The following SLC12A6 variants were observed in gnomAD, a reference collection of about 807,000 sequenced individuals.
SLC12A6 encodes the protein K-Cl cotransporter 3.
Under a neutral mutation model 135.3 loss-of-function variants are expected in SLC12A6, and 66 were observed. That is an observed-to-expected ratio of 0.49 (90% CI 0.40 to 0.60). The LOEUF (loss-of-function observed/expected upper bound fraction) is 0.60. SLC12A6 is among the 20% of genes least tolerant of loss of function. SLC12A6 has a pLI of 0.00. For synonymous variants in SLC12A6, 513 were observed against 508.8 expected, an observed-to-expected ratio of 1.01 and a Z score of -0.11; for missense variants, 1,058 against 1,452.3, an observed-to-expected ratio of 0.73 and a Z score of 4.41.
intron 2 of SLC12A6, among the ~76,000 whole-genome samples, chr15:34,334,724 A>G (rs975310191): frequency 2.0e-5 from 3 of 152,234 alleles, no homozygotes; most frequent in African/African-American, 2.4e-5. Context: ...ATAGAGAACC[A>G]AGCTTTTAAC....
At chr15:34,246,128 T>C (rs1276342308) in intron 13 of SLC12A6, among the ~76,000 whole-genome samples, 1 of 152,152 alleles carries the variant, frequency 6.6e-6, no homozygotes, top group Non-Finnish European at 1.5e-5. Flanking sequence ...AGATGGGGTT[T>C]CACCATGTTG....
intron 2 of SLC12A6, among the ~76,000 whole-genome samples, chr15:34,290,870 T>C (rs917794148): frequency 2.0e-5 from 3 of 152,220 alleles, no homozygotes; most frequent in African/African-American, 4.8e-5. Flanking sequence ...TGAGCCTATG[T>C]GTGTCTTTGC....
chr15:34,327,896 T>C (rs929861518), intron 2 of SLC12A6, among the ~76,000 whole-genome samples: 2 of 152,148 alleles, frequency 1.3e-5, no homozygotes, highest in Non-Finnish European at 2.9e-5. Context: ...GAAATTCAGG[T>C]GCTACTTTGC....
chr15:34,320,787 G>A lies in SLC12A6; in HGVS notation c.271+15623C>T, dbSNP rs541361036. 2.0e-3 allele frequency among the ~76,000 whole-genome samples: 297 copies of A among 145,216 alleles called. 1 individual carries two copies. The highest frequency in any genetic ancestry group is 7.6e-3 in the African/African-American group (290 of 38,264). On this transcript the variant is annotated intron_variant, in intron 2 of 25. Coordinates refer to ENST00000354181, the MANE Select transcript of SLC12A6 (RefSeq NM_001365088.1). ...AAAATCTTAGCCAGGCGTGGTGGCG[G>A]GCGCCTGTAGTTCCAGAAGGCTGAG...
intron 10 of SLC12A6, 86 bp from the exon 11 acceptor site, chr15:34,251,143 G>T: frequency 2.9e-6 from 3 of 1,017,386 alleles, no homozygotes; most frequent in Non-Finnish European, 4.7e-6. Context: ...TCAAAATCAG[G>T]CTCCTCATTT....
chr15:34,294,443 G>A (rs111361833), intron 2 of SLC12A6, among the ~76,000 whole-genome samples: 2,366 of 152,294 alleles, frequency 0.016, 75 homozygotes, highest in African/African-American at 0.054. Flanking sequence ...TCTTAGTAGA[G>A]AGGGGGTTTC....
chr15:34,310,950 TG>T (rs1888211137), intron 2 of SLC12A6, among the ~76,000 whole-genome samples: 1 of 152,120 alleles, frequency 6.6e-6, no homozygotes, highest in Non-Finnish European at 1.5e-5. Flanking sequence ...TAAGCTTTCA[TG>T]GGTAACAATT....
At chr15:34,284,427 C>A (rs1171053124) in intron 2 of SLC12A6, among the ~76,000 whole-genome samples, 2 of 151,856 alleles carry the variant, frequency 1.3e-5, no homozygotes, top group Non-Finnish European at 2.9e-5. Context: ...CACCCGCCCA[C>A]CACGCCCAGC....
intron 2 of SLC12A6, among the ~76,000 whole-genome samples, chr15:34,296,341 T>G (rs1566848463): frequency 6.6e-6 from 1 of 152,208 alleles, no homozygotes; most frequent in Non-Finnish European, 1.5e-5. Flanking sequence ...CATATTTCTT[T>G]TGGTTCTCAT....
At chr15:34,238,173 C>T in intron 21 of SLC12A6, 59 bp downstream of exon 21, 1 of 1,209,558 alleles carries the variant, frequency 8.3e-7, no homozygotes, top group South Asian at 1.2e-5. Flanking sequence ...ATTTGTCTGT[C>T]CTGTGAACCA....
At chr15:34,301,772 C>G (rs1004097534) in intron 2 of SLC12A6, among the ~76,000 whole-genome samples, 2 of 152,300 alleles carry the variant, frequency 1.3e-5, no homozygotes, top group African/African-American at 4.8e-5. Context: ...GGCGGATCAC[C>G]TGAGGTCAGG....
rs1440473999 is a variant in SLC12A6 at position 34,308,658 on chromosome 15, C to A, written c.271+27752G>T. On this transcript the variant is annotated intron_variant, in intron 2 of 25. Transcript: ENST00000354181. ...AAAAAAAAAAAAAAAAAAAACAAAC[C>A]AGATTGTTGGATTAAGTCAAGTTCA... 8.2e-3 allele frequency among the ~76,000 whole-genome samples: 1,141 copies of A among 139,670 alleles called. 9 individuals are homozygous for A. The highest frequency in any genetic ancestry group is 0.015 in the Middle Eastern group (4 of 262). The allele number at this position is 139,670 out of a possible 152,430, so 91.6% of individuals were successfully genotyped here. A position where few individuals can be genotyped will look rare whatever the true frequency, so the allele number is the denominator to read the frequency against.
At chr15:34,254,629 A>G (rs372202881) in intron 8 of SLC12A6, 40 bp from the exon 9 acceptor site, 3 of 1,494,156 alleles carry the variant, frequency 2.0e-6, no homozygotes, top group Non-Finnish European at 2.8e-6. Flanking sequence ...GGTTATTTCA[A>G]AATAATTAAG....
chr15:34,336,317 A>G (rs1890190155), intron 2 of SLC12A6, 93 bp downstream of exon 2: 1 of 1,007,086 alleles, frequency 9.9e-7, no homozygotes, highest in Admixed American at 1.9e-5. Flanking sequence ...TATAATCATA[A>G]TTATATGATT....
chr15:34,292,348 C>A (rs2140975024), intron 2 of SLC12A6, among the ~76,000 whole-genome samples: 1 of 152,268 alleles, frequency 6.6e-6, no homozygotes, highest in African/African-American at 2.4e-5. Flanking sequence ...GCTGCCTGAT[C>A]CTTCCTCTGG....
chr15:34,250,975 T>G lies in SLC12A6; in HGVS notation c.1416A>C (p.Leu472Phe), dbSNP rs1181552789. The change falls in exon 11 of 26, where the codon TTA becomes TTC. Residue 472 changes from leucine to phenylalanine, a missense_variant. By Grantham distance (22) the Leu-to-Phe change is conservative (BLOSUM62 0). This residue lies in a region of SLC12A6 where 297 missense variants were observed against 318.5 expected (regional missense o/e 0.93). Coordinates refer to ENST00000354181, the MANE Select transcript of SLC12A6 (RefSeq NM_001365088.1). ...SAKSSDVLGS[L>F]NHEYVLVDIT... ...TGTCAACAAGAACATATTCATGGTT[T>G]AAGCTGCCTAAGACATCAGAAGATT... The G allele has an allele frequency of 6.2e-7, 1 of 1,611,090 alleles. No homozygotes were observed. The highest frequency in any genetic ancestry group is 1.1e-5 in the South Asian group (1 of 91,010).
chr15:34,241,171 A>G, intron 18 of SLC12A6, 62 bp downstream of exon 18: 2 of 905,156 alleles, frequency 2.2e-6, no homozygotes, highest in Non-Finnish European at 1.9e-6. Flanking sequence ...CCTAAAATCA[A>G]CAAAACACAT....
intron 13 of SLC12A6, among the ~76,000 whole-genome samples, chr15:34,246,300 A>T (rs1236825594): frequency 6.6e-6 from 1 of 152,164 alleles, no homozygotes; most frequent in Admixed American, 6.5e-5. Flanking sequence ...GAAATATAAG[A>T]TAGCCAGATT....
intron 2 of SLC12A6, among the ~76,000 whole-genome samples, chr15:34,298,066 T>TA (rs751965231): frequency 1.1e-4 from 16 of 152,146 alleles, no homozygotes; most frequent in Non-Finnish European, 2.4e-4. Context: ...AGGTACATGC[T>TA]AGGCACTATG....
Sources: allele counts gnomAD v4.1 joint callset (sites outside exome capture counted in the v4.1 genomes callset), GRCh38; gene constraint gnomAD v4.1.1; regional missense constraint gnomAD v4.1.1; transcripts MANE v1.5; gene names NCBI Gene and HGNC (gene_info 2026-07-23, HGNC 2026-07-21).